The following DDX3X variants were observed in gnomAD, a reference collection of about 807,000 sequenced individuals.
DDX3X encodes ATP-dependent RNA helicase DDX3X.
A neutral mutation model predicts 52.7 loss-of-function variants in DDX3X; 4 were observed. The observed-to-expected ratio is 0.08, with a 90% CI of 0.04 to 0.17. The LOEUF (loss-of-function observed/expected upper bound fraction) is 0.17. Ranked by LOEUF, DDX3X falls within the 10% of genes least tolerant of loss-of-function variation. The probability of loss-of-function intolerance (pLI) is 1.00; values close to 1 mark genes in which losing one functional copy is unlikely to be tolerated. For synonymous variants in DDX3X, 192 were observed against 178.1 expected (o/e 1.08, Z -0.62); for missense variants, 222 against 548.6 (o/e 0.40, Z 5.95).
At chrX:41,359,526 G>A (rs951279469) in intron 5 of DDX3X, among the ~76,000 whole-genome samples, 2 of 105,606 alleles carry the variant, frequency 1.9e-5, no homozygotes, top group African/African-American at 7.0e-5. Flanking sequence ...GAACCCAGGA[G>A]GCAGAGGTTG....
intron 5 of DDX3X, among the ~76,000 whole-genome samples, chrX:41,362,083 C>CTTTTTT (rs1176759189): frequency 1.4e-5 from 1 of 72,711 alleles, no homozygotes; most frequent in Non-Finnish European, 2.4e-5. Flanking sequence ...AAATAATTAA[C>CTTTTTT]TTTTTTTTTT....
chrX:41,363,731 C>T (rs1393368249), intron 5 of DDX3X, among the ~76,000 whole-genome samples: 2 of 110,973 alleles, frequency 1.8e-5, no homozygotes, highest in Non-Finnish European at 3.8e-5. Context: ...TGCAGTGAGC[C>T]GAGATCGCAC....
In DDX3X at chrX:41,348,784, A is replaced by G. The variant is rs758990835; in HGVS notation, c.*1065A>G. 1 of 112,167 alleles carries G rather than the reference A, an allele frequency of 8.9e-6. No homozygotes were observed. Among genetic ancestry groups the G allele is most frequent in the African/African-American group, 3.2e-5 (1 of 30,823 alleles). 9.2% of individuals were successfully genotyped at this position (112,167 alleles called of 1,213,427 possible). On this transcript the variant is annotated 3_prime_UTR_variant, in exon 17 of 17. Coordinates refer to ENST00000644876, the MANE Select transcript of DDX3X (RefSeq NM_001356.5). The stretch of plus-strand genomic sequence containing the variant: ...TTTATTTTAAATGCCGATTCACATT[A>G]CTCTGTTCAAGCTGCGTTGAGATGT...
chrX:41,345,140 A>C, intron 10 of DDX3X, 40 bp from the exon 11 acceptor site: 1 of 1,192,561 alleles, frequency 8.4e-7, no homozygotes, highest in Non-Finnish European at 1.1e-6. Context: ...TTTCTCCTCA[A>C]ATTCTAAACT....
chrX:41,342,825 C>G lies in DDX3X; in HGVS notation c.532C>G (p.His178Asp). 2 of 1,202,375 alleles carry G rather than the reference C, an allele frequency of 1.7e-6. No individual in the cohort carries two copies. Among genetic ancestry groups the G allele is most frequent in the Non-Finnish European group, 2.3e-6 (2 of 887,071 alleles). Residue 178 changes from histidine to aspartate, a missense_variant, in exon 6 of 17, where the codon CAT becomes GAT. Coordinates refer to ENST00000644876, the MANE Select transcript of DDX3X (RefSeq NM_001356.5). Reference sequence around the variant, plus strand: ...GGCAACAGGCAACAACTGTCCTCCACATATTGAAAGTGTGAGTATTTTTGC... The same window carrying G: ...GGCAACAGGCAACAACTGTCCTCCAGATATTGAAAGTGTGAGTATTTTTGC... ...VEATGNNCPPHIESFSDVEMG... is the reference protein window; with the variant it reads ...VEATGNNCPPDIESFSDVEMG...
chrX:41,349,321 ATG>A lies in DDX3X; in HGVS notation c.*1604_*1605del, dbSNP rs1329207075. 1 of 111,620 alleles carries A rather than the reference ATG, an allele frequency of 9.0e-6. No homozygotes were observed. Among genetic ancestry groups the A allele is most frequent in the Non-Finnish European group, 1.9e-5 (1 of 53,111 alleles). The allele number at this position is 111,620 out of a possible 1,213,427, so 9.2% of individuals were successfully genotyped here. A position where few individuals can be genotyped will look rare whatever the true frequency, so the allele number is the denominator to read the frequency against. ...TGCACATTCAGAGAATTTTATATAT[ATG>A]TCTTGTGTGCGTGTCCTTAAACTTC... On this transcript the variant is annotated 3_prime_UTR_variant, in exon 17 of 17. Transcript: ENST00000644876.
chrX:41,354,398 G>T (rs749358281), downstream of DDX3X, among the ~76,000 whole-genome samples: 1 of 95,069 alleles, frequency 1.1e-5, no homozygotes, highest in Non-Finnish European at 2.0e-5. Flanking sequence ...ACCATAGCTC[G>T]CAGTAGCCTT....
chrX:41,340,930 A>G (rs2063840756), intron 3 of DDX3X: 2 of 285,437 alleles, frequency 7.0e-6, no homozygotes, highest in South Asian at 2.3e-4. Flanking sequence ...ACTTAGAGGT[A>G]GTATTCATTG....
downstream of DDX3X, among the ~76,000 whole-genome samples, chrX:41,353,748 G>A (rs1287743238): frequency 9.3e-6 from 1 of 107,174 alleles, no homozygotes; most frequent in Non-Finnish European, 1.9e-5. Context: ...TCCACTGTGG[G>A]CAACAGAGTG....
chrX:41,356,322 T>A (rs2064008684), intron 5 of DDX3X, among the ~76,000 whole-genome samples: 1 of 109,710 alleles, frequency 9.1e-6, no homozygotes, highest in Non-Finnish European at 1.9e-5. Flanking sequence ...AATTTTTGTA[T>A]TTTTAGTAGA....
At chrX:41,360,076 C>T (rs757778261) in intron 5 of DDX3X, among the ~76,000 whole-genome samples, 32 of 110,037 alleles carry the variant, frequency 2.9e-4, no homozygotes, top group African/African-American at 1.1e-3. Flanking sequence ...CTTTTCTTCC[C>T]TTAGAAGCTT....
At chrX:41,347,567 T>A (rs1894776065) in intron 16 of DDX3X, 73 bp from the exon 17 acceptor site, 3 of 1,125,757 alleles carry the variant, frequency 2.7e-6, no homozygotes, top group Non-Finnish European at 3.6e-6. Context: ...GATGGCAAAT[T>A]ACGTAAGGGA....
chrX:41,358,065 C>CTTTTTTTTTT (rs59380932), intron 5 of DDX3X: 2 of 45,249 alleles, frequency 4.4e-5, no homozygotes, highest in Non-Finnish European at 7.2e-5. Context: ...GATAGACACT[C>CTTTTTTTTTT]TTTTTTTTTT....
intron 3 of DDX3X, 26 bp from the exon 4 acceptor site, chrX:41,341,458 A>C: frequency 8.6e-7 from 1 of 1,159,966 alleles, no homozygotes; most frequent in South Asian, 1.9e-5. Context: ...TAATAATAAA[A>C]TGTATTTGTG....
chrX:41,344,047 G>A lies in DDX3X; in HGVS notation c.783G>A (p.Gly261=). The change falls in exon 9 of 17, where the codon GGG becomes GGA. Residue 261 remains glycine, a synonymous_variant. Coordinates refer to ENST00000644876, the MANE Select transcript of DDX3X (RefSeq NM_001356.5). ...TTTCTTAGGAAAATGGAAGGTATGG[G>A]CGCCGCAAACAATACCCAATCTCCT... ...LRAMKENGRY[G]RRKQYPISLV... 2 of 1,206,854 alleles carry A rather than the reference G, an allele frequency of 1.7e-6. No homozygotes were observed. The highest frequency in any genetic ancestry group is 1.1e-6 in the Non-Finnish European group (1 of 893,251).
downstream of DDX3X, among the ~76,000 whole-genome samples, chrX:41,354,344 C>CTTT (rs60965317): frequency 1.6e-4 from 11 of 69,944 alleles, 1 homozygote; most frequent in South Asian, 2.2e-3. Context: ...TGTGCTACCT[C>CTTT]TTTTTTTTTT....
At chrX:41,338,532 C>G (rs1356964823) in intron 2 of DDX3X, 1 of 112,059 alleles carries the variant, frequency 8.9e-6, no homozygotes, top group Non-Finnish European at 1.9e-5. Context: ...TCCTTAAACT[C>G]AGCAAGCCCC....
At chrX:41,356,454 C>CTTTTTTT (rs760583439) in intron 5 of DDX3X, among the ~76,000 whole-genome samples, 4 of 65,654 alleles carry the variant, frequency 6.1e-5, no homozygotes, top group African/African-American at 2.1e-4. Context: ...GCCAGTATTT[C>CTTTTTTT]TTTTTTTTTT....
At chrX:41,353,062 C>T (rs758160888), downstream of DDX3X, among the ~76,000 whole-genome samples, 7 of 111,676 alleles carry the variant, frequency 6.3e-5, no homozygotes, top group Non-Finnish European at 1.3e-4. Context: ...AGCTGAATGT[C>T]ATGCTACTGT....
Sources: allele counts gnomAD v4.1 joint callset (sites outside exome capture counted in the v4.1 genomes callset), GRCh38; gene constraint gnomAD v4.1.1; transcripts MANE v1.5; gene names NCBI Gene and HGNC (gene_info 2026-07-23, HGNC 2026-07-21).